Variants in ALMS1 observed in about 807,000 individuals in gnomAD.
ALMS1 encodes the protein ALMS1 centrosome and basal body associated protein.
Under a neutral mutation model 352.2 loss-of-function variants are expected in ALMS1, and 271 were observed. That is an observed-to-expected ratio of 0.77 (90% confidence interval 0.70 to 0.85). ALMS1 has a LOEUF of 0.85. ALMS1 is among the 40% of genes least tolerant of loss of function. The pLI is 0.00. For synonymous variants in ALMS1, 1,865 were observed against 1,761.2 expected (o/e 1.06, Z -1.48); for missense variants, 5,445 against 4,870.7 (o/e 1.12, Z -3.51).
intron 15 of ALMS1, among the ~76,000 whole-genome samples, chr2:73,563,852 A>G (rs982357726): frequency 6.6e-6 from 1 of 151,866 alleles, no homozygotes; most frequent in Admixed American, 6.6e-5. Context: ...TTGTAGGGAG[A>G]AAAAAAATAA....
intron 2 of ALMS1, among the ~76,000 whole-genome samples, chr2:73,413,986 A>G (rs1671129945): frequency 6.6e-6 from 1 of 152,202 alleles, no homozygotes; most frequent in Non-Finnish European, 1.5e-5. Flanking sequence ...CCTCTTTTTA[A>G]AAATTGATTA....
At chr2:73,584,675 T>C (rs1340919929) in intron 16 of ALMS1, among the ~76,000 whole-genome samples, 2 of 152,222 alleles carry the variant, frequency 1.3e-5, no homozygotes, top group Non-Finnish European at 2.9e-5. Context: ...AGGTGGTTTT[T>C]GGTTACATGG....
In ALMS1 at chr2:73,449,980, C is replaced by T; in HGVS notation, c.3453C>T (p.Pro1151=). ...STSYSQHREK[P]SIFHQQALPG... Reference sequence around the variant, plus strand: ...CCTACTCACAACATAGAGAAAAGCCCAGCATTTTCCACCAGCAGGCCTTGC... The same window carrying T: ...CCTACTCACAACATAGAGAAAAGCCTAGCATTTTCCACCAGCAGGCCTTGC... Residue 1151 remains proline, a synonymous_variant, in exon 8 of 23, where the codon CCC becomes CCT. Coordinates refer to ENST00000613296, the MANE Select transcript of ALMS1 (RefSeq NM_001378454.1). 3 of 1,613,818 alleles carry T rather than the reference C, an allele frequency of 1.9e-6. No homozygotes were observed. The highest frequency in any genetic ancestry group is 2.5e-6 in the Non-Finnish European group (3 of 1,179,902).
rs1414357905 is a variant in ALMS1, at chr2:73,452,873, G to A, written c.6346G>A (p.Glu2116Lys). 1 of 1,613,870 alleles carries A rather than the reference G, an allele frequency of 6.2e-7. No homozygotes were observed. The highest frequency in any genetic ancestry group is 1.1e-5 in the South Asian group (1 of 91,078). ...GGAATTGCCAGGTAGTCATGTAACT[G>A]AAGATGTGCTGAAGGTTTCAACAAT... ...PQELPGSHVT[E>K]DVLKVSTIPG... Residue 2116 changes from glutamate to lysine, a missense_variant, in exon 8 of 23, where the codon GAA becomes AAA. Coordinates refer to ENST00000613296, the MANE Select transcript of ALMS1 (RefSeq NM_001378454.1).
Position 73,452,194 on chromosome 2 carries a change from A to G in ALMS1, c.5667A>G (p.Gln1889=). 1 of 1,614,066 alleles carries G rather than the reference A, an allele frequency of 6.2e-7. No individual in the cohort carries two copies. The highest frequency in any genetic ancestry group is 8.5e-7 in the Non-Finnish European group (1 of 1,180,006). ...PGPADQKTGI[Q]IASSSSYSNR... ...CTGCTGACCAGAAGACTGGGATACA[A>G]ATAGCATCCTCTAGTTCCTACTCAA... Residue 1889 remains glutamine (Q), a synonymous_variant, in exon 8 of 23, where the codon CAA becomes CAG. Transcript: ENST00000613296.
At chr2:73,465,465 T>TA (rs1672314157) in intron 9 of ALMS1, among the ~76,000 whole-genome samples, 1 of 152,222 alleles carries the variant, frequency 6.6e-6, no homozygotes, top group Non-Finnish European at 1.5e-5. Context: ...ATCCCTTCCT[T>TA]ACACCGTATA....
chr2:73,482,714 C>T (rs1034656349), intron 9 of ALMS1, among the ~76,000 whole-genome samples: 3 of 151,924 alleles, frequency 2.0e-5, no homozygotes, highest in African/African-American at 7.3e-5. Flanking sequence ...GTCCTGGACT[C>T]TTTTTGGTTG....
At chr2:73,544,312 AC>A (rs1190852765) in intron 12 of ALMS1, among the ~76,000 whole-genome samples, 1 of 152,194 alleles carries the variant, frequency 6.6e-6, no homozygotes, top group Non-Finnish European at 1.5e-5. Flanking sequence ...TGGGAATTGA[AC>A]AATGAGAACA....
chr2:73,436,517 C>A (rs1312383823), intron 7 of ALMS1, among the ~76,000 whole-genome samples: 1 of 152,162 alleles, frequency 6.6e-6, no homozygotes, highest in Non-Finnish European at 1.5e-5. Flanking sequence ...TCACAGTCCA[C>A]ATATATCAGC....
rs545636120 is a variant in ALMS1, at chr2:73,452,999, G to C, written c.6472G>C (p.Asp2158His). Reference sequence around the variant, plus strand: ...TATTTTCTATCAAAAGGATTTGCCAGATAGACATCTAACTGAAGATGCTCT... The same window carrying C: ...TATTTTCTATCAAAAGGATTTGCCACATAGACATCTAACTGAAGATGCTCT... ...PDIFYQKDLP[D>H]RHLTEDALKI... The change falls in exon 8 of 23, where the codon GAT becomes CAT. Residue 2158 changes from aspartate (D) to histidine (H), a missense_variant. Coordinates refer to ENST00000613296, the MANE Select transcript of ALMS1 (RefSeq NM_001378454.1). 6.2e-7 allele frequency: 1 copy of C among 1,612,798 alleles called. No individual in the cohort carries two copies. The highest frequency in any genetic ancestry group is 1.3e-5 in the African/African-American group (1 of 74,988).
chr2:73,480,108 G>C (rs1672664000), intron 9 of ALMS1, among the ~76,000 whole-genome samples: 1 of 150,370 alleles, frequency 6.7e-6, no homozygotes, highest in Admixed American at 6.6e-5. Flanking sequence ...TAAGTTTTAG[G>C]GTACATGTGC....
At chr2:73,489,367 G>A (rs954481915) in intron 9 of ALMS1, among the ~76,000 whole-genome samples, 1 of 152,224 alleles carries the variant, frequency 6.6e-6, no homozygotes, top group African/African-American at 2.4e-5. Flanking sequence ...ATACTTACTG[G>A]TGGACAATAG....
At chr2:73,505,623 T>C (rs1673304922) in intron 10 of ALMS1, among the ~76,000 whole-genome samples, 1 of 152,162 alleles carries the variant, frequency 6.6e-6, no homozygotes, top group African/African-American at 2.4e-5. Flanking sequence ...TTAAGTAAAT[T>C]AAGTTTCCTT....
chr2:73,405,637 A>G (rs748293846), intron 1 of ALMS1, among the ~76,000 whole-genome samples: 23 of 149,340 alleles, frequency 1.5e-4, no homozygotes, highest in East Asian at 2.0e-4. Flanking sequence ...TTCTTTTTCT[A>G]GTTCTTCAAG....
rs991632036 is a variant in ALMS1, at chr2:73,464,267, C to T, written c.7674+8972C>T. Among the ~76,000 whole-genome samples the T allele has an allele frequency of 5.3e-5, 8 of 152,306 alleles. 1 individual carries two copies. Among genetic ancestry groups the T allele is most frequent in the Non-Finnish European group, 7.4e-5 (5 of 68,020 alleles). On this transcript the variant is annotated intron_variant, in intron 9 of 22. Coordinates refer to ENST00000613296, the MANE Select transcript of ALMS1 (RefSeq NM_001378454.1). ...CCACCATGATCAAGTGGGCTTCATCCCTGGGATGCAAGGCTGGTTCAACAT... is the reference window on the plus strand; with the variant it reads ...CCACCATGATCAAGTGGGCTTCATCTCTGGGATGCAAGGCTGGTTCAACAT...
chr2:73,466,474 G>A (rs1269082723), intron 9 of ALMS1, among the ~76,000 whole-genome samples: 1 of 137,566 alleles, frequency 7.3e-6, no homozygotes, highest in Non-Finnish European at 1.5e-5. Flanking sequence ...TCACACTCTG[G>A]GGCCTGTTGT....
rs373936479 is a variant in ALMS1 at position 73,448,820 on chromosome 2, T to C, written c.2293T>C (p.Ser765Pro). Residue 765 changes from serine (S) to proline (P), a missense_variant, in exon 8 of 23, where the codon TCA (serine) becomes CCA (proline). By Grantham distance (74) the Ser-to-Pro change is moderately conservative. Coordinates refer to ENST00000613296, the MANE Select transcript of ALMS1 (RefSeq NM_001378454.1). The stretch of plus-strand genomic sequence containing the variant: ...ACCAGCAGTACAGTCTAGTTCTTAC[T>C]CACAAAGAGAAAAGCCTAGTATTTT... ...EIPAVQSSSY[S>P]QREKPSILYP... is the part of the protein sequence containing the mutation. 49 of 1,613,736 alleles carry C rather than the reference T, an allele frequency of 3.0e-5. No individual in the cohort carries two copies. Among genetic ancestry groups the C allele is most frequent in the Non-Finnish European group, 4.1e-5 (48 of 1,179,920 alleles).
chr2:73,498,808 A>G (rs535453859), intron 10 of ALMS1, among the ~76,000 whole-genome samples: 2 of 152,222 alleles, frequency 1.3e-5, no homozygotes, highest in Admixed American at 1.3e-4. Flanking sequence ...TTTCTTACCC[A>G]TCTATTGATG....
chr2:73,485,957 A>T (rs1342568854), intron 9 of ALMS1, among the ~76,000 whole-genome samples: 1 of 151,744 alleles, frequency 6.6e-6, no homozygotes, highest in South Asian at 2.1e-4. Context: ...GCACCCACTG[A>T]CCTGCGCCCA....
Sources: allele counts gnomAD v4.1 joint callset (sites outside exome capture counted in the v4.1 genomes callset), GRCh38; gene constraint gnomAD v4.1.1; transcripts MANE v1.5; gene names NCBI Gene and HGNC (gene_info 2026-07-23, HGNC 2026-07-21).